Variants in SCML4 observed in about 807,000 individuals in gnomAD.
SCML4 encodes Scm polycomb group protein like 4, also known as sex comb on midleg-like protein 4.
Under a neutral mutation model 41.1 loss-of-function variants are expected in SCML4, and 34 were observed. The ratio of observed to expected loss-of-function variants is 0.83; its 90% CI spans 0.63 to 1.10. The LOEUF (loss-of-function observed/expected upper bound fraction) is 1.10. Among genes scored for constraint, SCML4 ranks in the 50% least tolerant of loss-of-function variants. The pLI, the probability that SCML4 is intolerant of heterozygous loss-of-function variation, is 0.00. For missense variants in SCML4, 522 were observed against 534.1 expected, an observed-to-expected ratio of 0.98 and a Z score of 0.22; for synonymous variants, 214 against 220.9, an observed-to-expected ratio of 0.97 and a Z score of 0.28.
At chr6:107,765,470 A>T (rs1168648256) in intron 2 of SCML4, among the ~76,000 whole-genome samples, 1 of 152,150 alleles carries the variant, frequency 6.6e-6, no homozygotes, top group Non-Finnish European at 1.5e-5. Flanking sequence ...GCGCCATTGC[A>T]CTCCAGCCTG....
chr6:107,707,755 A>C (rs1254184206), intron 7 of SCML4, 111 bp downstream of exon 7: 3 of 1,384,116 alleles, frequency 2.2e-6, no homozygotes, highest in African/African-American at 1.4e-5. Context: ...CTTAGTTTAG[A>C]GCACCCCTCC....
At chr6:107,755,401 C>G (rs1423759825) in intron 2 of SCML4, among the ~76,000 whole-genome samples, 1 of 152,150 alleles carries the variant, frequency 6.6e-6, no homozygotes, top group Non-Finnish European at 1.5e-5. Flanking sequence ...ACTTAGCATT[C>G]AGAAATTTCA....
intron 1 of SCML4, among the ~76,000 whole-genome samples, chr6:107,796,146 C>A (rs1782693521): frequency 6.6e-6 from 1 of 152,048 alleles, no homozygotes; most frequent in Non-Finnish European, 1.5e-5. Context: ...CATTTCTCTA[C>A]AAGTCTTTTG....
At chr6:107,842,982 G>A in the SCML4 span, among the ~76,000 whole-genome samples, 1 of 151,932 alleles carries the variant, frequency 6.6e-6, no homozygotes, top group Non-Finnish European at 1.5e-5. Flanking sequence ...TGTGGTTAAT[G>A]CTTACATGGT....
At chr6:107,843,288 TC>T in the SCML4 span, among the ~76,000 whole-genome samples, 2 of 151,520 alleles carry the variant, frequency 1.3e-5, no homozygotes, top group Non-Finnish European at 2.9e-5. Flanking sequence ...AGACAGGAAA[TC>T]CCAAAGACAG....
chr6:107,756,243 T>C (rs1339555708), intron 2 of SCML4, among the ~76,000 whole-genome samples: 10 of 152,104 alleles, frequency 6.6e-5, no homozygotes, highest in Non-Finnish European at 2.9e-5. Flanking sequence ...AGAAACCTGA[T>C]AAATAAGACT....
intron 2 of SCML4, among the ~76,000 whole-genome samples, chr6:107,759,132 CAAAAAAAAAA>C (rs60124415): frequency 1.1e-5 from 1 of 88,220 alleles, no homozygotes; most frequent in African/African-American, 4.5e-5. Context: ...ACAAAAAATA[CAAAAAAAAAA>C]AAAAAAAAAA....
At chr6:107,747,669 T>C (rs746056704) in intron 3 of SCML4, among the ~76,000 whole-genome samples, 3 of 151,572 alleles carry the variant, frequency 2.0e-5, no homozygotes, top group African/African-American at 4.8e-5. Flanking sequence ...AAAACTGGTT[T>C]TCATATATGA....
At chr6:107,841,022 C>A in the SCML4 span, among the ~76,000 whole-genome samples, 1 of 152,028 alleles carries the variant, frequency 6.6e-6, no homozygotes, top group Non-Finnish European at 1.5e-5. Context: ...GTGATGATAT[C>A]AGAGAAACAT....
At chr6:107,813,411 TATATATATATATAA>T (rs1427613887) in intron 1 of SCML4, among the ~76,000 whole-genome samples, 2,445 of 24,772 alleles carry the variant, frequency 0.099, 253 homozygotes, top group East Asian at 0.26. Flanking sequence ...TATATATATA[TATATATATATATAA>T]AACTGTAAAA....
At chr6:107,787,421 C>T (rs538067688) in intron 1 of SCML4, among the ~76,000 whole-genome samples, 2 of 152,300 alleles carry the variant, frequency 1.3e-5, no homozygotes, top group South Asian at 4.1e-4. Context: ...ACTCACATCC[C>T]ACAGTGTAAG....
chr6:107,830,298 C>T, the SCML4 span, among the ~76,000 whole-genome samples: 1 of 152,224 alleles, frequency 6.6e-6, no homozygotes, highest in Admixed American at 6.5e-5. Flanking sequence ...GGCCTTCTCT[C>T]TTTGTGGCTC....
intron 2 of SCML4, among the ~76,000 whole-genome samples, chr6:107,767,333 A>G (rs1018453151): frequency 1.3e-5 from 2 of 152,172 alleles, no homozygotes; most frequent in Admixed American, 1.3e-4. Flanking sequence ...CGTGATGCCA[A>G]TTCAACAGTT....
chr6:107,800,764 A>G (rs1247632682), intron 1 of SCML4, among the ~76,000 whole-genome samples: 1 of 152,156 alleles, frequency 6.6e-6, no homozygotes, highest in African/African-American at 2.4e-5. Flanking sequence ...CTGTCAATAG[A>G]GGGCATTGGA....
intron 1 of SCML4, among the ~76,000 whole-genome samples, chr6:107,794,569 G>T (rs531508421): frequency 1.3e-5 from 2 of 152,088 alleles, no homozygotes; most frequent in South Asian, 4.1e-4. Flanking sequence ...ATATGTGTGT[G>T]TGTCTATATA....
chr6:107,768,883 T>C (rs2114562524), intron 2 of SCML4, among the ~76,000 whole-genome samples: 1 of 152,334 alleles, frequency 6.6e-6, no homozygotes, highest in East Asian at 1.9e-4. Context: ...ATCCCACTAT[T>C]AGAGGCATTA....
chr6:107,715,460 T>C (rs1045818531), intron 6 of SCML4, among the ~76,000 whole-genome samples: 2 of 151,416 alleles, frequency 1.3e-5, no homozygotes, highest in African/African-American at 4.9e-5. Flanking sequence ...AATATCAGAT[T>C]GACTTCGTTT....
chr6:107,803,138 G>A (rs181440982), intron 1 of SCML4, among the ~76,000 whole-genome samples: 3 of 147,874 alleles, frequency 2.0e-5, no homozygotes, highest in African/African-American at 5.3e-5. Flanking sequence ...GCAAAGTGCC[G>A]AGATTGCGCC....
In SCML4 at chr6:107,749,771, G is replaced by T. The variant is rs746604149; in HGVS notation, c.199C>A (p.Pro67Thr). The stretch of plus-strand genomic sequence containing the variant: ...AGGTCGGGCTCTGGGGTACTCCGCG[G>T]AGGTGAGAGGGCTAAGGGAGTCATG... The part of the protein sequence containing the change: ...VLMTPLALSP[P>T]RSTPEPDLSS... The change falls in exon 3 of 8, where the codon CCG (proline) becomes ACG (threonine). Residue 67 changes from proline to threonine, a missense_variant. Coordinates refer to ENST00000369020, the MANE Select transcript of SCML4 (RefSeq NM_198081.5). 3 of 1,614,134 alleles carry T rather than the reference G, an allele frequency of 1.9e-6. No homozygotes were observed. Among genetic ancestry groups the T allele is most frequent in the Non-Finnish European group, 2.5e-6 (3 of 1,180,000 alleles).
Sources: allele counts gnomAD v4.1 joint callset (sites outside exome capture counted in the v4.1 genomes callset), GRCh38; gene constraint gnomAD v4.1.1; transcripts MANE v1.5; gene names NCBI Gene and HGNC (gene_info 2026-07-23, HGNC 2026-07-21).